Variants in HSD17B4 observed in about 807,000 individuals in gnomAD.
HSD17B4 encodes the protein hydroxysteroid 17-beta dehydrogenase 4, also known as peroxisomal multifunctional enzyme type 2.
In HSD17B4, 70 loss-of-function variants were observed where a neutral mutation model predicts 101.0. The observed-to-expected ratio is 0.69, with a 90% CI of 0.57 to 0.85. The LOEUF (loss-of-function observed/expected upper bound fraction) is 0.85, where lower values mean the gene tolerates loss of function less well. Ranked by LOEUF, HSD17B4 falls within the 40% of genes least tolerant of loss-of-function variation. HSD17B4 has a pLI of 0.00. For missense variants in HSD17B4, 984 were observed against 892.4 expected (o/e 1.10, Z -1.31); for synonymous variants, 347 against 297.1 (o/e 1.17, Z -1.73).
At chr5:119,505,339 A>T (rs1283134360) in intron 14 of HSD17B4, among the ~76,000 whole-genome samples, 1 of 152,080 alleles carries the variant, frequency 6.6e-6, no homozygotes, top group African/African-American at 2.4e-5. Flanking sequence ...TTTGAGTAGT[A>T]CGACCATTTT....
chr5:119,506,096 C>T (rs796489110), intron 14 of HSD17B4, among the ~76,000 whole-genome samples: 3 of 152,172 alleles, frequency 2.0e-5, no homozygotes, highest in African/African-American at 7.2e-5. Context: ...ATACACGTGC[C>T]ATGGTGGTTT....
chr5:119,477,516 G>A lies in HSD17B4; in HGVS notation c.434+15G>A. On this transcript the variant is annotated intron_variant, in intron 7 of 23. Transcript: ENST00000510025. Reference sequence around the variant, plus strand: ...AAGTATGGAAGGTAGAGTTGCATGTGGTTGTCAAGGGGGATTTAAGATGTT... The same window carrying A: ...AAGTATGGAAGGTAGAGTTGCATGTAGTTGTCAAGGGGGATTTAAGATGTT... The A allele has an allele frequency of 6.4e-7, 1 of 1,554,264 alleles. No homozygotes were observed. Among genetic ancestry groups the A allele is most frequent in the Non-Finnish European group, 8.9e-7 (1 of 1,125,788 alleles).
In HSD17B4 at chr5:119,509,413, C is replaced by T. The variant is rs772068527; in HGVS notation, c.1437+169C>T. 4.3e-6 allele frequency: 3 copies of T among 699,334 alleles called. No homozygotes were observed. In the South Asian group the frequency reaches 4.5e-5, roughly 10 times the overall value. 43.3% of individuals were successfully genotyped at this position (699,334 alleles called of 1,614,324 possible). A position where few individuals can be genotyped will look rare whatever the true frequency, so the allele number is the denominator to read the frequency against. On this transcript the variant is annotated intron_variant, in intron 16 of 23. Coordinates refer to ENST00000510025, the MANE Select transcript of HSD17B4 (RefSeq NM_000414.4). ...AGACCAGTCCCTCTTCTTCCTCCTCCTCTTCCTCCTCCTCAGCCTACCCAA... is the reference window on the plus strand; with the variant it reads ...AGACCAGTCCCTCTTCTTCCTCCTCTTCTTCCTCCTCCTCAGCCTACCCAA...
chr5:119,503,076 T>TTGTGTGTG (rs759039800), intron 14 of HSD17B4, among the ~76,000 whole-genome samples: 7,538 of 140,492 alleles, frequency 0.054, 194 homozygotes, highest in Non-Finnish European at 0.061. Flanking sequence ...ACCTTGGAAA[T>TTGTGTGTG]TGTGTGTGTG....
In HSD17B4 at chr5:119,475,870, G is replaced by C. The variant is rs1337008217; in HGVS notation, c.349G>C (p.Asp117His). 6.3e-7 allele frequency: 1 copy of C among 1,589,906 alleles called. No individual in the cohort carries two copies. Among genetic ancestry groups the C allele is most frequent in the African/African-American group, 1.3e-5 (1 of 74,556 alleles). Residue 117 changes from aspartate (D) to histidine (H), a missense_variant and splice_region_variant, in exon 6 of 24, where the codon GAT becomes CAT. Transcript: ENST00000510025. ...TGCTAGGATAAGTGATGAAGACTGGGGTAAGTTGTTTTTAGTATTTCTCTG... is the reference window on the plus strand; with the variant it reads ...TGCTAGGATAAGTGATGAAGACTGGCGTAAGTTGTTTTTAGTATTTCTCTG... ...SFARISDEDW[D>H]IIHRVHLRGS...
chr5:119,506,361 G>A (rs1241894127), intron 14 of HSD17B4, among the ~76,000 whole-genome samples: 1 of 152,100 alleles, frequency 6.6e-6, no homozygotes, highest in Non-Finnish European at 1.5e-5. Flanking sequence ...CTTTTTTATG[G>A]CTGCATAGTA....
At chr5:119,532,397 C>T (rs780236642) in intron 22 of HSD17B4, among the ~76,000 whole-genome samples, 3 of 151,926 alleles carry the variant, frequency 2.0e-5, no homozygotes, top group Non-Finnish European at 2.9e-5. Context: ...AATAACTAGC[C>T]TGATTCTGTA....
chr5:119,538,051 T>A (rs1489879268), intron 23 of HSD17B4, among the ~76,000 whole-genome samples: 2 of 152,102 alleles, frequency 1.3e-5, no homozygotes, highest in Non-Finnish European at 2.9e-5. Context: ...TTCTCTGAGC[T>A]CCACAGTGAG....
At chr5:119,505,621 A>T (rs548345660) in intron 14 of HSD17B4, among the ~76,000 whole-genome samples, 1 of 152,098 alleles carries the variant, frequency 6.6e-6, no homozygotes, top group Non-Finnish European at 1.5e-5. Context: ...TTGACTCATT[A>T]TCAGTTCTAG....
chr5:119,500,369 T>A (rs1580627013), intron 13 of HSD17B4, among the ~76,000 whole-genome samples: 2 of 152,144 alleles, frequency 1.3e-5, no homozygotes, highest in Admixed American at 1.3e-4. Context: ...TATATAGTTA[T>A]ACATTACACA....
chr5:119,534,928 C>CT (rs1170195695), intron 22 of HSD17B4, among the ~76,000 whole-genome samples: 5 of 151,748 alleles, frequency 3.3e-5, no homozygotes, highest in Non-Finnish European at 2.9e-5. Flanking sequence ...GACTTTCCAT[C>CT]TTCTCTGTGT....
At chr5:119,500,268 G>A (rs1174420415) in intron 13 of HSD17B4, among the ~76,000 whole-genome samples, 2 of 151,982 alleles carry the variant, frequency 1.3e-5, no homozygotes, top group African/African-American at 4.8e-5. Flanking sequence ...AGTCAAGGAT[G>A]AAGATGTTTG....
At chr5:119,491,455 A>G (rs1231377161) in intron 9 of HSD17B4, among the ~76,000 whole-genome samples, 2 of 144,620 alleles carry the variant, frequency 1.4e-5, no homozygotes, top group Non-Finnish European at 3.0e-5. Context: ...CATCAGACTC[A>G]TCAGACTTTT....
At chr5:119,494,630 T>G (rs1188258394) in intron 11 of HSD17B4, among the ~76,000 whole-genome samples, 2 of 152,238 alleles carry the variant, frequency 1.3e-5, no homozygotes, top group South Asian at 4.1e-4. Flanking sequence ...TTAGCTGAGC[T>G]CCTACCACTT....
At chr5:119,481,468 T>G (rs939114440) in intron 8 of HSD17B4, among the ~76,000 whole-genome samples, 8 of 152,152 alleles carry the variant, frequency 5.3e-5, no homozygotes, top group Non-Finnish European at 1.2e-4. Flanking sequence ...AGGCATATCT[T>G]GGAGATGTTG....
intron 1 of HSD17B4, among the ~76,000 whole-genome samples, chr5:119,453,905 T>A (rs1237990452): frequency 6.6e-6 from 1 of 152,234 alleles, no homozygotes. Flanking sequence ...TCTTGGATAA[T>A]TTTCATGCAG....
At chr5:119,459,108 C>G (rs912761373) in intron 2 of HSD17B4, among the ~76,000 whole-genome samples, 2 of 152,224 alleles carry the variant, frequency 1.3e-5, no homozygotes, top group Non-Finnish European at 2.9e-5. Flanking sequence ...AAAGCTGAGT[C>G]TTAACTTCCT....
chr5:119,479,002 TCAGA>T lies in HSD17B4; in HGVS notation c.607_610del (p.Thr203LeufsTer10), dbSNP rs1057516310. ...CTCCTAATGCGGGATCACGGATGAC[TCAGA>T]CAGTTATGCCTGAAGGTAAGTAAGC... On this transcript the variant is annotated frameshift_variant, in exon 8 of 24. Coordinates refer to ENST00000510025, the MANE Select transcript of HSD17B4 (RefSeq NM_000414.4). LOFTEE classifies it high-confidence loss of function. 6.2e-7 allele frequency: 1 copy of T among 1,613,400 alleles called. No individual in the cohort carries two copies. The highest frequency in any genetic ancestry group is 8.5e-7 in the Non-Finnish European group (1 of 1,179,410).
At chr5:119,456,255 C>A in intron 1 of HSD17B4, 60 bp from the exon 2 acceptor site, 2 of 1,113,468 alleles carry the variant, frequency 1.8e-6, no homozygotes, top group Non-Finnish European at 2.8e-6. Flanking sequence ...TTGAGTTGAG[C>A]GGACCAAAAA....
Sources: allele counts gnomAD v4.1 joint callset (sites outside exome capture counted in the v4.1 genomes callset), GRCh38; gene constraint gnomAD v4.1.1; transcripts MANE v1.5; gene names NCBI Gene and HGNC (gene_info 2026-07-23, HGNC 2026-07-21).